Variants in SAMTOR observed in about 807,000 individuals in gnomAD.
The protein encoded by SAMTOR is S-adenosylmethionine sensor upstream of mTORC1.
the SAMTOR span, among the ~76,000 whole-genome samples, chr7:112,850,183 A>G: frequency 3.3e-5 from 5 of 151,736 alleles, 1 homozygote; most frequent in Admixed American, 3.3e-4. Flanking sequence ...CCTGGGTAAC[A>G]AGAGTGAAAC....
the SAMTOR span, among the ~76,000 whole-genome samples, chr7:112,863,305 C>A: frequency 3.3e-5 from 5 of 152,120 alleles, no homozygotes; most frequent in African/African-American, 1.2e-4. Context: ...TAAAGACTTA[C>A]AGATACAACT....
chr7:112,878,811 A>T, the SAMTOR span, among the ~76,000 whole-genome samples: 1 of 152,164 alleles, frequency 6.6e-6, no homozygotes, highest in Non-Finnish European at 1.5e-5. Context: ...AAGTTTTAGT[A>T]AAAGAGCTGG....
chr7:112,918,439 T>C, the SAMTOR span, among the ~76,000 whole-genome samples: 8 of 152,140 alleles, frequency 5.3e-5, no homozygotes, highest in African/African-American at 1.9e-4. Flanking sequence ...AAAGAGCTCC[T>C]GAAGGAAGCA....
the SAMTOR span, among the ~76,000 whole-genome samples, chr7:112,858,380 G>A: frequency 6.6e-6 from 1 of 150,848 alleles, no homozygotes; most frequent in Non-Finnish European, 1.5e-5. Flanking sequence ...TACCCTGACA[G>A]TAAAAACAGA....
the SAMTOR span, among the ~76,000 whole-genome samples, chr7:112,842,745 T>C: frequency 6.6e-6 from 1 of 151,994 alleles, no homozygotes; most frequent in African/African-American, 2.4e-5. Flanking sequence ...GAAAGTACTG[T>C]ATTACATGAA....
At chr7:112,913,967 C>T in the SAMTOR span, among the ~76,000 whole-genome samples, 11 of 152,282 alleles carry the variant, frequency 7.2e-5, no homozygotes, top group East Asian at 1.7e-3. Flanking sequence ...CCAACTAGCA[C>T]GTAAGCTCTA....
the SAMTOR span, chr7:112,820,973 C>T: frequency 6.6e-6 from 1 of 152,270 alleles, no homozygotes; most frequent in African/African-American, 2.4e-5. Context: ...GTAAATGAAG[C>T]CTAAGTTTAA....
the SAMTOR span, among the ~76,000 whole-genome samples, chr7:112,895,160 T>A: frequency 5.0e-4 from 76 of 151,900 alleles, no homozygotes; most frequent in African/African-American, 1.7e-3. Context: ...TTTGTTTTGA[T>A]AATTACATAA....
At chr7:112,932,383 T>C in the SAMTOR span, among the ~76,000 whole-genome samples, 2 of 152,114 alleles carry the variant, frequency 1.3e-5, no homozygotes, top group Non-Finnish European at 2.9e-5. Flanking sequence ...ACTTGGACCA[T>C]TTAAAAAAGG....
At chr7:112,921,995 T>C in the SAMTOR span, among the ~76,000 whole-genome samples, 2 of 151,720 alleles carry the variant, frequency 1.3e-5, no homozygotes, top group African/African-American at 4.8e-5. Flanking sequence ...ACGGTCTCCC[T>C]CTGATGCCGA....
chr7:112,843,734 C>T, the SAMTOR span, among the ~76,000 whole-genome samples: 1 of 151,912 alleles, frequency 6.6e-6, no homozygotes, highest in Non-Finnish European at 1.5e-5. Flanking sequence ...GCTGGTACCA[C>T]TCCTACTGAA....
chr7:112,892,409 A>T, the SAMTOR span, among the ~76,000 whole-genome samples: 2 of 152,116 alleles, frequency 1.3e-5, no homozygotes, highest in Non-Finnish European at 2.9e-5. Context: ...GTTTTAATGG[A>T]CTTTGCCCAG....
the SAMTOR span, chr7:112,832,687 T>C: frequency 1.4e-6 from 2 of 1,453,900 alleles, no homozygotes; most frequent in Admixed American, 1.8e-5. Flanking sequence ...TAAAAACAGA[T>C]ATTTTATAAG....
At chr7:112,860,172 G>A in the SAMTOR span, among the ~76,000 whole-genome samples, 1 of 152,174 alleles carries the variant, frequency 6.6e-6, no homozygotes, top group African/African-American at 2.4e-5. Context: ...TTGTAGCCTA[G>A]GAGCAAATGA....
the SAMTOR span, among the ~76,000 whole-genome samples, chr7:112,932,585 A>C: frequency 6.6e-6 from 1 of 152,248 alleles, no homozygotes; most frequent in Non-Finnish European, 1.5e-5. Flanking sequence ...CTAAGGCTAC[A>C]GAGATAAAAG....
At chr7:112,902,459 A>AAAAG in the SAMTOR span, among the ~76,000 whole-genome samples, 1 of 146,436 alleles carries the variant, frequency 6.8e-6, no homozygotes, top group Non-Finnish European at 1.5e-5. Flanking sequence ...CAAAAAAAAA[A>AAAAG]ACCAAAAAAG....
chr7:112,900,796 AT>A, the SAMTOR span, among the ~76,000 whole-genome samples: 1 of 152,178 alleles, frequency 6.6e-6, no homozygotes, highest in Non-Finnish European at 1.5e-5. Flanking sequence ...AAAAAAGAAA[AT>A]TTTTTCAACA....
At chr7:112,828,439 C>T in the SAMTOR span, among the ~76,000 whole-genome samples, 1 of 152,120 alleles carries the variant, frequency 6.6e-6, no homozygotes, top group East Asian at 1.9e-4. Flanking sequence ...CTTCATGTGA[C>T]GTTCTCCCTG....
At chr7:112,834,130 T>C in the SAMTOR span, among the ~76,000 whole-genome samples, 2 of 152,218 alleles carry the variant, frequency 1.3e-5, no homozygotes, top group Admixed American at 1.3e-4. Context: ...TTTACTGCTG[T>C]ACAGTAGTAC....
Sources: allele counts gnomAD v4.1 joint callset (sites outside exome capture counted in the v4.1 genomes callset), GRCh38; gene constraint gnomAD v4.1.1; transcripts MANE v1.5; gene names NCBI Gene and HGNC (gene_info 2026-07-23, HGNC 2026-07-21).